ADAMTS10: variants seen among roughly 807,000 people sequenced by gnomAD.
ADAMTS10 encodes ADAM metallopeptidase with thrombospondin type 1 motif 10.
A neutral mutation model predicts 135.9 loss-of-function variants in ADAMTS10; 48 were observed. The observed-to-expected ratio is 0.35, with a 90% CI of 0.28 to 0.45. The LOEUF (loss-of-function observed/expected upper bound fraction) is 0.45. Among genes scored for constraint, ADAMTS10 ranks in the 20% least tolerant of loss-of-function variants. The pLI is 1.00. For missense variants in ADAMTS10, 1,131 were observed against 1,565.2 expected, an observed-to-expected ratio of 0.72 and a Z score of 4.68; for synonymous variants, 621 against 647.5, an observed-to-expected ratio of 0.96 and a Z score of 0.62.
At chr19:8,591,253 T>G (rs944476440) in intron 15 of ADAMTS10, among the ~76,000 whole-genome samples, 1 of 151,650 alleles carries the variant, frequency 6.6e-6, no homozygotes, top group African/African-American at 2.4e-5. Flanking sequence ...CAAGCAGTGA[T>G]TTCAAGGTGG....
rs1555740032 is a variant in ADAMTS10, at chr19:8,595,898, C to A, written c.1343G>T (p.Gly448Val). Residue 448 changes from glycine to valine, a missense_variant, in exon 12 of 26, where the codon GGC becomes GTC. Physicochemically the swap from Gly to Val is moderately radical, Grantham distance 109. Transcript: ENST00000597188. ...CCGGTTGTTCAGGCAGAGCCCCAGG[C>A]CCGAGCTGCCTCGAGAGAAAAGCAA... ...RDYITSFLDS[G>V]LGLCLNNRPP... The A allele has an allele frequency of 6.2e-7, 1 of 1,614,212 alleles. No individual in the cohort carries two copies. Among genetic ancestry groups the A allele is most frequent in the Admixed American group, 1.7e-5 (1 of 60,024 alleles).
At chr19:8,582,851 T>C (rs1330101896) in intron 25 of ADAMTS10, 3 of 152,198 alleles carry the variant, frequency 2.0e-5, no homozygotes, top group African/African-American at 7.2e-5. Flanking sequence ...GGTTTCGCCA[T>C]GCTGGCCAGG....
Position 8,601,014 on chromosome 19 carries a change from C to T in ADAMTS10, c.724G>A (p.Glu242Lys). The T allele has an allele frequency of 6.2e-7, 1 of 1,614,172 alleles. No homozygotes were observed. Among genetic ancestry groups the T allele is most frequent in the East Asian group, 2.2e-5 (1 of 44,878 alleles). Residue 242 changes from glutamate to lysine, a missense_variant, in exon 6 of 26, where the codon GAG becomes AAG. Around this residue, in one of 3 missense-constraint regions of ADAMTS10, gnomAD observed 306 missense variants for 344.4 expected, o/e 0.89. Coordinates refer to ENST00000597188, the MANE Select transcript of ADAMTS10 (RefSeq NM_030957.4). The surrounding 1 kb of genome is among the most constrained non-coding windows in gnomAD (Gnocchi z 4.6). The part of the protein sequence containing the change: ...KRSVSRERYV[E>K]TLVVADKMMV... ...ATCTTGTCAGCCACCACCAGGGTCT[C>T]CACGTAGCGCTCTCGGCTGACCGAT...
intron 4 of ADAMTS10, 107 bp downstream of exon 4, chr19:8,604,905 A>C (rs2042702465): frequency 7.7e-7 from 1 of 1,290,908 alleles, no homozygotes; most frequent in South Asian, 1.3e-5. Flanking sequence ...CAAAACACTT[A>C]AAAAACATCC....
chr19:8,604,864 T>C, intron 4 of ADAMTS10, 148 bp downstream of exon 4: 1 of 882,124 alleles, frequency 1.1e-6, no homozygotes. Context: ...TAAGTACTGC[T>C]TTAGCTGCAT....
In ADAMTS10 at chr19:8,585,648, C is replaced by T. The variant is rs781853974; in HGVS notation, c.2673G>A (p.Gly891=). The change falls in exon 23 of 26, where the codon GGG becomes GGA. Residue 891 remains glycine (G), a synonymous_variant. Coordinates refer to ENST00000597188, the MANE Select transcript of ADAMTS10 (RefSeq NM_030957.4). ...AGCTGCGGCTGCAGAGCGACCAGTT[C>T]CCTACAACCCAGCTGTAAGAGATGA... ...TEPCPPDWVV[G]NWSLCSRSCD... 14 of 1,612,196 alleles carry T rather than the reference C, an allele frequency of 8.7e-6. No individual in the cohort carries two copies. Among genetic ancestry groups the T allele is most frequent in the Non-Finnish European group, 9.3e-6 (11 of 1,179,668 alleles).
rs79687541 is a variant in ADAMTS10, at chr19:8,603,606, C to T, written c.592+122G>A. The T allele has an allele frequency of 0.031, 43,966 of 1,428,222 alleles. 817 individuals carry two copies. Among genetic ancestry groups the T allele is most frequent in the Middle Eastern group, 0.077 (321 of 4,150 alleles). 88.5% of individuals were successfully genotyped at this position (1,428,222 alleles called of 1,614,324 possible). ...CATAATTATATCACTGTGTCCCCTT[C>T]TCAGCAGCTCCATTCTTCCCCTCAC... On this transcript the variant is annotated intron_variant, in intron 5 of 25. Transcript: ENST00000597188.
chr19:8,580,646 C>T lies in ADAMTS10; in HGVS notation c.*247G>A. On this transcript the variant is annotated 3_prime_UTR_variant, in exon 26 of 26. Transcript: ENST00000597188. ...TGAACAGCTGTCCCCTCCCCAGACC[C>T]ACCCTGGAGGGGGGGTCTCACTATG... is the stretch of plus-strand genomic sequence containing the variant. 2.0e-6 allele frequency: 1 copy of T among 499,526 alleles called. No individual in the cohort carries two copies. The highest frequency in any genetic ancestry group is 3.7e-6 in the Non-Finnish European group (1 of 273,292). 30.9% of individuals were successfully genotyped at this position (499,526 alleles called of 1,614,324 possible). A position where few individuals can be genotyped will look rare whatever the true frequency, so the allele number is the denominator to read the frequency against.
At chr19:8,600,511 T>C (rs2042652985) in intron 6 of ADAMTS10, among the ~76,000 whole-genome samples, 1 of 148,960 alleles carries the variant, frequency 6.7e-6, no homozygotes, top group African/African-American at 2.5e-5. Flanking sequence ...TTTTTTTTTT[T>C]TTTTTTTGAC....
At chr19:8,607,141 GC>G (rs1247729334) in intron 2 of ADAMTS10, among the ~76,000 whole-genome samples, 1 of 152,126 alleles carries the variant, frequency 6.6e-6, no homozygotes, top group Non-Finnish European at 1.5e-5. Flanking sequence ...CCAGATTAGA[GC>G]TAAGGCTCCC....
chr19:8,596,502 C>T lies in ADAMTS10; in HGVS notation c.1084+40G>A. ...ACCTGCCAGGTCTCACCCCAGCCCA[C>T]TGCCTTCATAGGCGCCTGAAACCTA... On this transcript the variant is annotated intron_variant, in intron 9 of 25. Coordinates refer to ENST00000597188, the MANE Select transcript of ADAMTS10 (RefSeq NM_030957.4). This position sits in a 1 kb window ranked among gnomAD's most constrained non-coding sequence, Gnocchi z 7.2. The T allele has an allele frequency of 6.2e-7, 1 of 1,613,872 alleles. No individual in the cohort carries two copies. The highest frequency in any genetic ancestry group is 2.2e-5 in the East Asian group (1 of 44,878).
At chr19:8,585,731 T>C (rs1309746355) in intron 22 of ADAMTS10, 71 bp from the exon 23 acceptor site, 1 of 1,447,550 alleles carries the variant, frequency 6.9e-7, no homozygotes, top group Non-Finnish European at 9.6e-7. Context: ...GGGGGCACTA[T>C]AGCCTACCCC....
intron 5 of ADAMTS10, among the ~76,000 whole-genome samples, chr19:8,603,432 G>A (rs1020407802): frequency 4.6e-5 from 7 of 152,034 alleles, no homozygotes; most frequent in South Asian, 2.1e-4. Flanking sequence ...GCGCCACCAC[G>A]CCCAGCTAAT....
At chr19:8,610,422 GACACACACACACAC>G (rs111492620) in intron 1 of ADAMTS10, among the ~76,000 whole-genome samples, 11 of 145,620 alleles carry the variant, frequency 7.6e-5, no homozygotes, top group Non-Finnish European at 3.0e-5. Context: ...TACGTGGACG[GACACACACACACAC>G]ACACACACAC....
Position 8,601,694 on chromosome 19 carries a change from G to A in ADAMTS10, c.593-549C>T, listed in dbSNP as rs1490307943. On this transcript the variant is annotated intron_variant, in intron 5 of 25. Transcript: ENST00000597188. This position sits in a 1 kb window ranked among gnomAD's most constrained non-coding sequence, Gnocchi z 4.6. Reference sequence around the variant, plus strand: ...TGTTTTGTCTATAGGGCATCTTGGCGGTACCATCTCTTTTTTTTGTCAGTG... The same window carrying A: ...TGTTTTGTCTATAGGGCATCTTGGCAGTACCATCTCTTTTTTTTGTCAGTG... Among the ~76,000 whole-genome samples, 3 of 152,008 alleles carry A rather than the reference G, an allele frequency of 2.0e-5. No homozygotes were observed. Among genetic ancestry groups the A allele is most frequent in the South Asian group, 2.1e-4 (1 of 4,812 alleles).
intron 18 of ADAMTS10, among the ~76,000 whole-genome samples, chr19:8,587,297 C>T (rs1174959227): frequency 1.4e-5 from 2 of 146,654 alleles, no homozygotes; most frequent in Non-Finnish European, 3.0e-5. Context: ...GCTGGGACTA[C>T]AGGCGTGAGC....
At chr19:8,593,656 A>C (rs2042570297) in intron 12 of ADAMTS10, 1 of 152,212 alleles carries the variant, frequency 6.6e-6, no homozygotes, top group Admixed American at 6.6e-5. Flanking sequence ...TCCCTGGAGA[A>C]GCCCCAGTGA....
chr19:8,594,361 G>T (rs1392058633), intron 12 of ADAMTS10, among the ~76,000 whole-genome samples: 4 of 152,102 alleles, frequency 2.6e-5, no homozygotes, highest in African/African-American at 9.7e-5. Context: ...GCCATTATGG[G>T]GTAACAATGA....
rs1568402459 is a variant in ADAMTS10 at position 8,597,215 on chromosome 19, G to C, written c.894+19C>G. ...TGCTGGTATGAAGGGGAAGGGGAAGGGGAGGAAGTCCCCCGCACCTGGTCC... is the reference window on the plus strand; with the variant it reads ...TGCTGGTATGAAGGGGAAGGGGAAGCGGAGGAAGTCCCCCGCACCTGGTCC... On this transcript the variant is annotated intron_variant, in intron 7 of 25. Coordinates refer to ENST00000597188, the MANE Select transcript of ADAMTS10 (RefSeq NM_030957.4). 6.2e-7 allele frequency: 1 copy of C among 1,614,104 alleles called. No homozygotes were observed.
Sources: gnomAD v4.1 joint callset for allele counts (sites outside exome capture counted in the v4.1 genomes callset) on GRCh38, gnomAD v4.1.1 for gene constraint, gnomAD v4.1.1 regional missense constraint, Gnocchi (gnomAD v3.1) non-coding constraint, MANE v1.5 for transcripts, NCBI Gene and HGNC (gene_info 2026-07-23, HGNC 2026-07-21) for gene names.